The following LLGL1 variants were observed in gnomAD, a reference collection of about 807,000 sequenced individuals.
LLGL1 encodes the protein LLGL scribble cell polarity complex component 1, also known as lethal(2) giant larvae protein homolog 1.
Under a neutral mutation model 110.6 loss-of-function variants are expected in LLGL1, and 58 were observed. The observed-to-expected ratio is 0.52, with a 90% CI of 0.42 to 0.65. The LOEUF is 0.65. Among genes scored for constraint, LLGL1 ranks in the 30% least tolerant of loss-of-function variants. LLGL1 has a pLI of 0.00. For missense variants in LLGL1, 1,229 were observed against 1,462.1 expected (o/e 0.84, Z 2.60); for synonymous variants, 674 against 607.2 (o/e 1.11, Z -1.62).
chr17:18,234,317 C>T lies in LLGL1; in HGVS notation c.759C>T (p.Val253=), dbSNP rs1301625160. ...LCWGRDSSTV[V]SSHSDGSYAV... ...GGGGGCGTGATAGCAGCACTGTGGT[C>T]AGCTCACACAGCGATGGCAGCTATG... The change falls in exon 7 of 23, where the codon GTC becomes GTT. Residue 253 remains valine (V), a synonymous_variant. Transcript: ENST00000316843. 1.2e-5 allele frequency: 20 copies of T among 1,611,118 alleles called. No homozygotes were observed. The highest frequency in any genetic ancestry group is 1.6e-5 in the Non-Finnish European group (19 of 1,178,930).
rs2047592221 is a variant in LLGL1 at position 18,232,559 on chromosome 17, C to T, written c.244C>T (p.His82Tyr). 2 of 1,614,126 alleles carry T rather than the reference C, an allele frequency of 1.2e-6. No homozygotes were observed. The highest frequency in any genetic ancestry group is 1.7e-6 in the Non-Finnish European group (2 of 1,179,986). The change falls in exon 3 of 23, where the codon CAC (histidine) becomes TAC (tyrosine). Residue 82 changes from histidine to tyrosine, a missense_variant. His to Tyr is a moderately conservative substitution (Grantham distance 83). Transcript: ENST00000316843. The part of the protein sequence containing the change: ...HRDAATVTQM[H>Y]FLTGQGRLLS... ...GGATGCAGCCACTGTCACACAGATG[C>T]ACTTCTTGACCGGCCAGGTGAGCCT...
At chr17:18,238,722 G>A in intron 16 of LLGL1, 113 bp downstream of exon 16, 2 of 1,114,732 alleles carry the variant, frequency 1.8e-6, no homozygotes, top group Admixed American at 4.1e-5. Flanking sequence ...CCTTCCAGGA[G>A]GTGGCTGGGC....
intron 1 of LLGL1, among the ~76,000 whole-genome samples, chr17:18,226,681 C>G (rs1400698335): frequency 2.0e-5 from 3 of 152,254 alleles, no homozygotes; most frequent in Non-Finnish European, 2.9e-5. Context: ...CCTTTCTGCA[C>G]CAAGGTGGAG....
rs1342358883 is a variant in LLGL1 at position 18,231,345 on chromosome 17, CCTT to C, written c.180-1145_180-1143del. Among the ~76,000 whole-genome samples the C allele has an allele frequency of 2.6e-5, 4 of 152,180 alleles. No individual in the cohort carries two copies. In the South Asian group the frequency reaches 6.2e-4, roughly 24 times the overall value. On this transcript the variant is annotated intron_variant, in intron 2 of 22. Transcript: ENST00000316843. The stretch of plus-strand genomic sequence containing the variant: ...AGCTGCTCCTGTCCCCTCTTTTGTC[CCTT>C]CTTCGGAGTTTCTCGCCAGGCTCCT...
At position 18,240,691 on chromosome 17, in the gene LLGL1, G is replaced by A. The variant is rs1313348836; in HGVS notation, c.2320G>A (p.Val774Met). The change falls in exon 17 of 23, where the codon GTG becomes ATG. Residue 774 changes from valine (V) to methionine (M), a missense_variant. Physicochemically the swap from Val to Met is conservative, Grantham distance 21. Coordinates refer to ENST00000316843, the MANE Select transcript of LLGL1 (RefSeq NM_004140.4). The surrounding 1 kb of genome is among the most constrained non-coding windows in gnomAD (Gnocchi z 5.3). ...VGGEKRPEQA[V>M]EAVLGKEVQL... is the part of the protein sequence containing the mutation. ...TGGTGAGAAGCGGCCTGAGCAAGCG[G>A]TGGAGGCCGTGCTGGGCAAGGAGGT... 1 of 1,612,982 alleles carries A rather than the reference G, an allele frequency of 6.2e-7. No individual in the cohort carries two copies.
In LLGL1 at chr17:18,240,880, C is replaced by A. The variant is rs2047815479; in HGVS notation, c.2502+7C>A. On this transcript the variant is annotated splice_region_variant and intron_variant, in intron 17 of 22. Coordinates refer to ENST00000316843, the MANE Select transcript of LLGL1 (RefSeq NM_004140.4). This position sits in a 1 kb window ranked among gnomAD's most constrained non-coding sequence, Gnocchi z 5.3. ...ATCTGAGGAGCAGTTCAAGGTGAGC[C>A]ACTGTGGGCTGTGGGGGACTCTGGG... The A allele has an allele frequency of 1.3e-6, 2 of 1,512,078 alleles. No homozygotes were observed. The highest frequency in any genetic ancestry group is 4.0e-5 in the Admixed American group (2 of 49,650). 93.7% of individuals were successfully genotyped at this position (1,512,078 alleles called of 1,614,324 possible).
chr17:18,237,711 T>A lies in LLGL1; in HGVS notation c.1842T>A (p.Ala614=), dbSNP rs1196285639. ...TCCACACCGAGTGGAGCCTCGTGGC[T>A]TTTGGCACCAGTCATGGCTTTGGCC... ...VTLHTEWSLV[A]FGTSHGFGLF... Residue 614 remains alanine, a synonymous_variant, in exon 14 of 23, where the codon GCT becomes GCA. Transcript: ENST00000316843. 1.2e-5 allele frequency: 19 copies of A among 1,612,878 alleles called. No individual in the cohort carries two copies. The highest frequency in any genetic ancestry group is 1.5e-5 in the Non-Finnish European group (18 of 1,179,962).
chr17:18,238,008 G>T, intron 14 of LLGL1, 59 bp from the exon 15 acceptor site: 1 of 1,585,102 alleles, frequency 6.3e-7, no homozygotes, highest in South Asian at 1.1e-5. Flanking sequence ...GCCAGCAGGA[G>T]TGTGGTGGCT....
Position 18,242,597 on chromosome 17 carries a change from G to A in LLGL1, c.3085G>A (p.Val1029Ile), listed in dbSNP as rs374758088. The change falls in exon 21 of 23, where the codon GTC becomes ATC. Residue 1029 changes from valine (V) to isoleucine (I), a missense_variant. Transcript: ENST00000316843. Reference protein sequence around the residue: ...ADTTLDTTGDVTVEDVKDFLG... With the variant: ...ADTTLDTTGDITVEDVKDFLG... ...CACCACGCTGGACACGACAGGGGAC[G>A]TCACAGTGGAAGATGTGAAGGATTT... 6.2e-6 allele frequency: 10 copies of A among 1,613,628 alleles called. No individual in the cohort carries two copies. The African/African-American group carries it at 6.7e-5, about 11-fold the overall frequency.
chr17:18,241,515 G>T lies in LLGL1; in HGVS notation c.2567G>T (p.Arg856Leu), dbSNP rs778217024. 6.2e-7 allele frequency: 1 copy of T among 1,613,716 alleles called. No individual in the cohort carries two copies. The highest frequency in any genetic ancestry group is 8.5e-7 in the Non-Finnish European group (1 of 1,180,018). The change falls in exon 18 of 23, where the codon CGT becomes CTT. Residue 856 changes from arginine to leucine, a missense_variant. Coordinates refer to ENST00000316843, the MANE Select transcript of LLGL1 (RefSeq NM_004140.4). ...AAGCTGACGGCCCATGAGGGCTGTC[G>T]TGTGCGCAAGGTGGCACTGGCCACG... is the stretch of plus-strand genomic sequence containing the variant. The part of the protein sequence containing the change: ...KFKLTAHEGC[R>L]VRKVALATFA...
Position 18,240,770 on chromosome 17 carries a change from G to C in LLGL1, c.2399G>C (p.Gly800Ala). Residue 800 changes from glycine (G) to alanine (A), a missense_variant, in exon 17 of 23, where the codon GGC (glycine) becomes GCC (alanine). Gly to Ala is a moderately conservative substitution (Grantham distance 60, BLOSUM62 0). Transcript: ENST00000316843. The surrounding 1 kb of genome is among the most constrained non-coding windows in gnomAD (Gnocchi z 5.3). ...GCCATTGCCGTGTTGGACGGGCGTG[G>C]CCGCCCACTGCCCGAGCCCTACGAG... ...VVAIAVLDGR[G>A]RPLPEPYEAS... 3 of 1,605,946 alleles carry C rather than the reference G, an allele frequency of 1.9e-6. No homozygotes were observed. Among genetic ancestry groups the C allele is most frequent in the Non-Finnish European group, 1.7e-6 (2 of 1,176,260 alleles).
At chr17:18,226,424 G>A (rs1479818753) in intron 1 of LLGL1, among the ~76,000 whole-genome samples, 1 of 152,144 alleles carries the variant, frequency 6.6e-6, no homozygotes, top group Non-Finnish European at 1.5e-5. Flanking sequence ...TAGTGGGGGC[G>A]AGGCAGCTGT....
At chr17:18,231,713 T>G (rs2047573580) in intron 2 of LLGL1, among the ~76,000 whole-genome samples, 2 of 152,124 alleles carry the variant, frequency 1.3e-5, no homozygotes, top group African/African-American at 4.8e-5. Context: ...CAGGCTGGAG[T>G]GCAGTCGCAC....
chr17:18,237,743 A>T lies in LLGL1; in HGVS notation c.1874A>T (p.Asp625Val). The change falls in exon 14 of 23, where the codon GAC (aspartate) becomes GTC (valine). Residue 625 changes from aspartate to valine, a missense_variant. Physicochemically the swap from Asp to Val is radical, Grantham distance 152. Transcript: ENST00000316843. ...FGTSHGFGLF[D>V]YQRKSPVLAR... ...ACCAGTCATGGCTTTGGCCTCTTCG[A>T]CTACCAGCGCAAGAGCCCTGTGCTG... The T allele has an allele frequency of 6.2e-7, 1 of 1,611,148 alleles. No individual in the cohort carries two copies. Among genetic ancestry groups the T allele is most frequent in the Non-Finnish European group, 8.5e-7 (1 of 1,178,740 alleles).
chr17:18,227,808 C>G lies in LLGL1; in HGVS notation c.81+2045C>G, dbSNP rs73980858. ...GGTGGCGGAAAGTAAGGGCCCTCCGCTGAGGATGAAGCGTGGGCAGCAGTG... is the reference window on the plus strand; with the variant it reads ...GGTGGCGGAAAGTAAGGGCCCTCCGGTGAGGATGAAGCGTGGGCAGCAGTG... On this transcript the variant is annotated intron_variant, in intron 1 of 22. Coordinates refer to ENST00000316843, the MANE Select transcript of LLGL1 (RefSeq NM_004140.4). 3.0e-3 allele frequency among the ~76,000 whole-genome samples: 463 copies of G among 152,286 alleles called. 3 individuals are homozygous for G. Among genetic ancestry groups the G allele is most frequent in the African/African-American group, 0.011 (437 of 41,564 alleles).
Position 18,238,504 on chromosome 17 carries a change from G to A in LLGL1, c.2101G>A (p.Val701Met), listed in dbSNP as rs374576025. ...GGCTGAGCAGGCCTGCCCCCACGAC[G>A]TGGAGATGACGCCCGTGCAGCGCCG... ...QLAEQACPHD[V>M]EMTPVQRRIE... Residue 701 changes from valine (V) to methionine (M), a missense_variant, in exon 16 of 23, where the codon GTG (valine) becomes ATG (methionine). Val to Met is a conservative substitution (Grantham distance 21). Coordinates refer to ENST00000316843, the MANE Select transcript of LLGL1 (RefSeq NM_004140.4). The A allele has an allele frequency of 3.9e-5, 63 of 1,612,404 alleles. 1 individual carries two copies. The Middle Eastern group carries it at 6.7e-4, about 17-fold the overall frequency.
chr17:18,237,436 C>T (rs774302889), intron 13 of LLGL1, 45 bp from the exon 14 acceptor site: 52 of 1,495,980 alleles, frequency 3.5e-5, no homozygotes, highest in Non-Finnish European at 4.5e-5. Flanking sequence ...CCCAGGGCGG[C>T]CCCTCCCCTG....
In LLGL1 at chr17:18,234,722, T is replaced by G; in HGVS notation, c.905+19T>G. 6.2e-7 allele frequency: 1 copy of G among 1,613,884 alleles called. No individual in the cohort carries two copies. The highest frequency in any genetic ancestry group is 1.3e-5 in the African/African-American group (1 of 74,942). ...AATCTGGGTAGGTCGAGGGAGTGGG[T>G]GTCCGATGTGAGTTGGGTCTGGCTA... On this transcript the variant is annotated intron_variant, in intron 8 of 22. Coordinates refer to ENST00000316843, the MANE Select transcript of LLGL1 (RefSeq NM_004140.4).
chr17:18,240,687 A>G lies in LLGL1; in HGVS notation c.2316A>G (p.Gln772=). The change falls in exon 17 of 23, where the codon CAA becomes CAG. Residue 772 remains glutamine (Q), a synonymous_variant. Coordinates refer to ENST00000316843, the MANE Select transcript of LLGL1 (RefSeq NM_004140.4). This position sits in a 1 kb window ranked among gnomAD's most constrained non-coding sequence, Gnocchi z 5.3. ...TGGGTGGTGAGAAGCGGCCTGAGCA[A>G]GCGGTGGAGGCCGTGCTGGGCAAGG... ...AAVGGEKRPE[Q]AVEAVLGKEV... The G allele has an allele frequency of 2.5e-6, 4 of 1,613,120 alleles. No homozygotes were observed. The highest frequency in any genetic ancestry group is 3.4e-6 in the Non-Finnish European group (4 of 1,179,824).
Sources: allele counts gnomAD v4.1 joint callset (sites outside exome capture counted in the v4.1 genomes callset), GRCh38; gene constraint gnomAD v4.1.1; non-coding constraint Gnocchi (gnomAD v3.1); transcripts MANE v1.5; gene names NCBI Gene and HGNC (gene_info 2026-07-23, HGNC 2026-07-21).